HTR6: variants seen among roughly 807,000 people sequenced by gnomAD.
HTR6 encodes the protein 5-hydroxytryptamine (serotonin) receptor 6, G protein-coupled.
In HTR6, 15 loss-of-function variants were observed where a neutral mutation model predicts 17.4. The observed-to-expected ratio is 0.86, with a 90% CI of 0.58 to 1.33. The LOEUF (loss-of-function observed/expected upper bound fraction) is 1.33. Among genes scored for constraint, HTR6 ranks in the 40% most tolerant of loss-of-function variants. The pLI is 0.00. For synonymous variants in HTR6, 326 were observed against 295.5 expected (o/e 1.10, Z -1.06); for missense variants, 578 against 616.0 (o/e 0.94, Z 0.65).
rs371454333 is a variant in HTR6 at position 19,667,787 on chromosome 1, C to T, written c.714+1320C>T. Among the ~76,000 whole-genome samples the T allele has an allele frequency of 7.9e-5, 12 of 152,360 alleles. No individual in the cohort carries two copies. The South Asian group carries it at 2.1e-3, about 26-fold the overall frequency. Reference sequence around the variant, plus strand: ...TCTTGCCATCCAGGCCACAGTGCACCTGACTCCTATTGACCCCCTGGAGGG... The same window carrying T: ...TCTTGCCATCCAGGCCACAGTGCACTTGACTCCTATTGACCCCCTGGAGGG... On this transcript the variant is annotated intron_variant, in intron 1 of 2. Coordinates refer to ENST00000289753, the MANE Select transcript of HTR6 (RefSeq NM_000871.3).
chr1:19,679,661 C>T lies in HTR6; in HGVS notation c.*293C>T. On this transcript the variant is annotated 3_prime_UTR_variant, in exon 3 of 3. Coordinates refer to ENST00000289753, the MANE Select transcript of HTR6 (RefSeq NM_000871.3). This position sits in a 1 kb window ranked among gnomAD's most constrained non-coding sequence, Gnocchi z 4.9. ...TGTTGGGGAGAAGGACCTCTTGGTT[C>T]AGGTTAGGATGAAAACAATCATGAC... The T allele has an allele frequency of 2.4e-6, 1 of 416,382 alleles. No homozygotes were observed. Among genetic ancestry groups the T allele is most frequent in the African/African-American group, 2.0e-5 (1 of 49,620 alleles). The allele number at this position is 416,382 out of a possible 1,614,324, so 25.8% of individuals were successfully genotyped here. A position where few individuals can be genotyped will look rare whatever the true frequency, so the allele number is the denominator to read the frequency against.
chr1:19,675,534 C>T (rs916635170), intron 1 of HTR6, among the ~76,000 whole-genome samples: 1 of 151,996 alleles, frequency 6.6e-6, no homozygotes, highest in Middle Eastern at 3.2e-3. Context: ...GGAGTTGTTC[C>T]CAGGGAGACT....
intron 2 of HTR6, 43 bp from the exon 3 acceptor site, chr1:19,678,876 G>T: frequency 6.4e-7 from 1 of 1,563,346 alleles, no homozygotes. Context: ...GGTGGCCTGG[G>T]TCCCTGCCCT....
Position 19,666,035 on chromosome 1 carries a change from GGC to G in HTR6, c.288_289del (p.Gly97ProfsTer154). The G allele has an allele frequency of 6.2e-7, 1 of 1,613,612 alleles. No individual in the cohort carries two copies. The highest frequency in any genetic ancestry group is 1.1e-5 in the South Asian group (1 of 91,056). The part of the protein sequence containing the change: ...LNALYGRWVL[A>X]RGLCLLWTAF... ...ACGCGCTGTACGGGCGCTGGGTGCT[GGC>G]GCGCGGCCTCTGCCTGCTCTGGACC... On this transcript the variant is annotated frameshift_variant, in exon 1 of 3. Coordinates refer to ENST00000289753, the MANE Select transcript of HTR6 (RefSeq NM_000871.3). LOFTEE classifies it high-confidence loss of function. This position sits in a 1 kb window ranked among gnomAD's most constrained non-coding sequence, Gnocchi z 4.5.
At chr1:19,676,737 C>T (rs1333948599) in intron 1 of HTR6, among the ~76,000 whole-genome samples, 2 of 152,186 alleles carry the variant, frequency 1.3e-5, no homozygotes, top group East Asian at 1.9e-4. Flanking sequence ...TTTCCATCTG[C>T]GGAAGGTTGC....
chr1:19,671,000 T>C (rs2095087359), intron 1 of HTR6, among the ~76,000 whole-genome samples: 2 of 152,190 alleles, frequency 1.3e-5, no homozygotes, highest in Admixed American at 6.5e-5. Context: ...TATTGACACC[T>C]GCTTTGCACA....
rs2095082093 is a variant in HTR6 at position 19,666,657 on chromosome 1, A to G, written c.714+190A>G. 6.6e-6 allele frequency among the ~76,000 whole-genome samples: 1 copy of G among 151,796 alleles called. No individual in the cohort carries two copies. The highest frequency in any genetic ancestry group is 2.1e-4 in the South Asian group (1 of 4,780). On this transcript the variant is annotated intron_variant, in intron 1 of 2. Transcript: ENST00000289753. This position sits in a 1 kb window ranked among gnomAD's most constrained non-coding sequence, Gnocchi z 4.5. ...CCCACCACAGGATAGCTCCGTCAGG[A>G]TTTGGGGGCAGGCTTCTCCCAGGTA...
In HTR6 at chr1:19,679,244, T is replaced by C. The variant is rs745956564; in HGVS notation, c.1199T>C (p.Leu400Pro). The change falls in exon 3 of 3, where the codon CTT (leucine) becomes CCT (proline). Residue 400 changes from leucine to proline, a missense_variant. By Grantham distance (98) the Leu-to-Pro change is moderately conservative. Transcript: ENST00000289753. This position sits in a 1 kb window ranked among gnomAD's most constrained non-coding sequence, Gnocchi z 4.9. ...CTGCGGCTCACGGCCCAGCTGCTGC[T>C]TCCTGGCGAGGCCACCCAGGACCCC... ...SGLRLTAQLLLPGEATQDPPL... is the reference protein window; with the variant it reads ...SGLRLTAQLLPPGEATQDPPL... 3 of 1,586,130 alleles carry C rather than the reference T, an allele frequency of 1.9e-6. No homozygotes were observed. The East Asian group carries it at 7.0e-5, about 37-fold the overall frequency.
chr1:19,672,464 G>A lies in HTR6; in HGVS notation c.714+5997G>A, dbSNP rs569965127. 3.4e-4 allele frequency among the ~76,000 whole-genome samples: 52 copies of A among 152,200 alleles called. No individual in the cohort carries two copies. The South Asian group carries it at 0.01, about 30-fold the overall frequency. ...TATCTGTGAGGGGGAGGAGGGGGCC[G>A]AGCCAGGGAGAGGCTGGCAGAGTGA... On this transcript the variant is annotated intron_variant, in intron 1 of 2. Coordinates refer to ENST00000289753, the MANE Select transcript of HTR6 (RefSeq NM_000871.3).
intron 1 of HTR6, among the ~76,000 whole-genome samples, chr1:19,671,302 G>A (rs1039166754): frequency 4.6e-5 from 7 of 152,106 alleles, no homozygotes; most frequent in African/African-American, 1.7e-4. Context: ...GTGACTCAGG[G>A]GCCTCTCAAG....
In HTR6 at chr1:19,679,533, C is replaced by CTT. The variant is rs2095099111; in HGVS notation, c.*166_*167dup. 1.0e-6 allele frequency: 1 copy of CTT among 999,000 alleles called. No homozygotes were observed. Among genetic ancestry groups the CTT allele is most frequent in the African/African-American group, 1.6e-5 (1 of 61,354 alleles). The allele number at this position is 999,000 out of a possible 1,614,324, so 61.9% of individuals were successfully genotyped here. On this transcript the variant is annotated 3_prime_UTR_variant, in exon 3 of 3. Coordinates refer to ENST00000289753, the MANE Select transcript of HTR6 (RefSeq NM_000871.3). The surrounding 1 kb of genome is among the most constrained non-coding windows in gnomAD (Gnocchi z 4.9). ...ACCCCCTGCTGCCATCTCCAGGCCC[C>CTT]TTACCTGCAGGGATCATAGCTGACT...
Position 19,678,653 on chromosome 1 carries a change from C to A in HTR6, c.801C>A (p.Ser267Arg). Reference sequence around the variant, plus strand: ...ACAGCAGGAAGGCCCTGAAGGCCAGCCTGACGCTGGGCATCCTGCTGGGCA... The same window carrying A: ...ACAGCAGGAAGGCCCTGAAGGCCAGACTGACGCTGGGCATCCTGCTGGGCA... Reference protein sequence around the residue: ...TKHSRKALKASLTLGILLGMF... With the variant: ...TKHSRKALKARLTLGILLGMF... The change falls in exon 2 of 3, where the codon AGC (serine) becomes AGA (arginine). Residue 267 changes from serine (S) to arginine (R), a missense_variant. Coordinates refer to ENST00000289753, the MANE Select transcript of HTR6 (RefSeq NM_000871.3). 1 of 1,613,870 alleles carries A rather than the reference C, an allele frequency of 6.2e-7. No individual in the cohort carries two copies. Among genetic ancestry groups the A allele is most frequent in the Non-Finnish European group, 8.5e-7 (1 of 1,179,994 alleles).
intron 1 of HTR6, among the ~76,000 whole-genome samples, chr1:19,670,952 A>T (rs1236360496): frequency 6.6e-6 from 1 of 152,002 alleles, no homozygotes; most frequent in Non-Finnish European, 1.5e-5. Context: ...CATGATCCTG[A>T]ACTTTTTATC....
intron 1 of HTR6, 107 bp from the exon 2 acceptor site, chr1:19,678,460 G>A: frequency 7.4e-7 from 1 of 1,360,372 alleles, no homozygotes; most frequent in South Asian, 1.2e-5. Context: ...TTTAATCCTG[G>A]CACTAGGGCT....
intron 1 of HTR6, among the ~76,000 whole-genome samples, chr1:19,676,559 A>G (rs1166312742): frequency 6.6e-6 from 1 of 152,218 alleles, no homozygotes; most frequent in East Asian, 1.9e-4. Flanking sequence ...TCCAGCTTCT[A>G]TGAAAAGACC....
chr1:19,676,656 A>C (rs1364972109), intron 1 of HTR6, among the ~76,000 whole-genome samples: 2 of 152,210 alleles, frequency 1.3e-5, no homozygotes, highest in African/African-American at 2.4e-5. Context: ...GGGCATGCGC[A>C]GCAGAGTGGG....
At position 19,666,183 on chromosome 1, in the gene HTR6, C is replaced by A; in HGVS notation, c.430C>A (p.Leu144Met). The change falls in exon 1 of 3, where the codon CTG (leucine) becomes ATG (methionine). Residue 144 changes from leucine to methionine, a missense_variant. Leu to Met is a conservative substitution (Grantham distance 15). Coordinates refer to ENST00000289753, the MANE Select transcript of HTR6 (RefSeq NM_000871.3). This position sits in a 1 kb window ranked among gnomAD's most constrained non-coding sequence, Gnocchi z 4.5. The stretch of plus-strand genomic sequence containing the variant: ...GCTGCGCATGACGCCCCTGCGTGCC[C>A]TGGCCCTAGTCCTGGGCGCCTGGAG... ...YKLRMTPLRA[L>M]ALVLGAWSLA... is the part of the protein sequence containing the mutation. 6.2e-7 allele frequency: 1 copy of A among 1,610,706 alleles called. No homozygotes were observed. The highest frequency in any genetic ancestry group is 8.5e-7 in the Non-Finnish European group (1 of 1,179,860).
intron 1 of HTR6, among the ~76,000 whole-genome samples, chr1:19,674,762 A>C (rs1364326689): frequency 1.3e-5 from 2 of 152,214 alleles, no homozygotes; most frequent in African/African-American, 4.8e-5. Flanking sequence ...TCCTATCACA[A>C]GTAGTGCTGT....
In HTR6 at chr1:19,679,346, C is replaced by T. The variant is rs200482595; in HGVS notation, c.1301C>T (p.Pro434Leu). Residue 434 changes from proline (P) to leucine (L), a missense_variant, in exon 3 of 3, where the codon CCA becomes CTA. Transcript: ENST00000289753. The surrounding 1 kb of genome is among the most constrained non-coding windows in gnomAD (Gnocchi z 4.9). ...DPAEPELRPH[P>L]LGIPTN ...GCGGAGCCCGAGCTGCGGCCGCATC[C>T]ACTTGGCATCCCCACGAACTGACCC... The T allele has an allele frequency of 4.7e-4, 751 of 1,596,528 alleles. 1 individual carries two copies. Among genetic ancestry groups the T allele is most frequent in the Non-Finnish European group, 6.2e-4 (726 of 1,170,196 alleles).
Sources: gnomAD v4.1 joint callset for allele counts (sites outside exome capture counted in the v4.1 genomes callset) on GRCh38, gnomAD v4.1.1 for gene constraint, Gnocchi (gnomAD v3.1) non-coding constraint, MANE v1.5 for transcripts, NCBI Gene and HGNC (gene_info 2026-07-23, HGNC 2026-07-21) for gene names.